Variants in ZNF430 observed in about 807,000 individuals in gnomAD.
The protein encoded by ZNF430 is zinc finger protein 430.
Under a neutral mutation model 56.7 loss-of-function variants are expected in ZNF430, and 35 were observed. That is an observed-to-expected ratio of 0.62 (90% CI 0.47 to 0.82). The LOEUF is 0.82. Ranked by LOEUF, ZNF430 falls within the 40% of genes least tolerant of loss-of-function variation. The pLI, the probability that ZNF430 is intolerant of heterozygous loss-of-function variation, is 0.00. For synonymous variants in ZNF430, 212 were observed against 224.3 expected (o/e 0.94, Z 0.49); for missense variants, 574 against 661.0 (o/e 0.87, Z 1.44).
At chr19:21,021,349 A>T (rs1180340502) in intron 1 of ZNF430, among the ~76,000 whole-genome samples, 1 of 151,886 alleles carries the variant, frequency 6.6e-6, no homozygotes, top group Non-Finnish European at 1.5e-5. Flanking sequence ...AAATACAAAA[A>T]TTTGCCGGGC....
intron 4 of ZNF430, among the ~76,000 whole-genome samples, chr19:21,044,848 C>T (rs890502182): frequency 6.6e-6 from 1 of 152,020 alleles, no homozygotes; most frequent in Non-Finnish European, 1.5e-5. Context: ...CTTCTTCTAG[C>T]TTTTTCAGTT....
intron 4 of ZNF430, among the ~76,000 whole-genome samples, chr19:21,055,256 T>C (rs1280752212): frequency 6.6e-6 from 1 of 152,098 alleles, no homozygotes; most frequent in Non-Finnish European, 1.5e-5. Flanking sequence ...TTGAAATTTG[T>C]ACATTTAAAA....
intron 2 of ZNF430, among the ~76,000 whole-genome samples, chr19:21,028,709 G>A (rs546418472): frequency 2.6e-5 from 4 of 152,026 alleles, no homozygotes; most frequent in East Asian, 1.9e-4. Context: ...TTTTTTAGAC[G>A]GAGTATTGCT....
At chr19:21,044,468 G>A (rs1968155426) in intron 4 of ZNF430, among the ~76,000 whole-genome samples, 1 of 152,102 alleles carries the variant, frequency 6.6e-6, no homozygotes, top group Non-Finnish European at 1.5e-5. Context: ...TCGATGTGCT[G>A]CTGGATTTGG....
intron 4 of ZNF430, 75 bp from the exon 5 acceptor site, chr19:21,056,556 A>G (rs756518284): frequency 1.8e-6 from 2 of 1,118,276 alleles, no homozygotes; most frequent in Non-Finnish European, 2.5e-6. Context: ...TTGTATAATT[A>G]TATGGGTTAG....
intron 2 of ZNF430, 88 bp downstream of exon 2, chr19:21,022,969 G>A (rs1967724828): frequency 1.1e-6 from 1 of 945,820 alleles, no homozygotes; most frequent in South Asian, 1.4e-5. Context: ...TCAGACTGTG[G>A]CATTGAGGGG....
intron 2 of ZNF430, among the ~76,000 whole-genome samples, chr19:21,023,518 C>T (rs1418954667): frequency 6.6e-6 from 1 of 152,098 alleles, no homozygotes; most frequent in East Asian, 1.9e-4. Flanking sequence ...CTTTTTACCC[C>T]CAGGGTGAGT....
chr19:21,036,975 A>G (rs1968010873), intron 4 of ZNF430, among the ~76,000 whole-genome samples: 1 of 151,844 alleles, frequency 6.6e-6, no homozygotes, highest in Non-Finnish European at 1.5e-5. Context: ...ACACCCTTCC[A>G]CTTTCTGTTT....
chr19:21,056,149 T>C (rs1379779884), intron 4 of ZNF430, among the ~76,000 whole-genome samples: 1 of 152,104 alleles, frequency 6.6e-6, no homozygotes, highest in Admixed American at 6.6e-5. Flanking sequence ...TGTATTTTTG[T>C]TGGATGTTTT....
At chr19:21,050,552 G>A (rs1400238231) in intron 4 of ZNF430, among the ~76,000 whole-genome samples, 1 of 152,044 alleles carries the variant, frequency 6.6e-6, no homozygotes, top group Non-Finnish European at 1.5e-5. Context: ...TCTTGTCTAG[G>A]TGAGCAGTCA....
intron 2 of ZNF430, among the ~76,000 whole-genome samples, chr19:21,027,113 C>G (rs1006393728): frequency 3.9e-5 from 6 of 151,992 alleles, no homozygotes; most frequent in African/African-American, 1.4e-4. Flanking sequence ...CAGGCGTGAG[C>G]CCCCATGCCC....
intron 3 of ZNF430, chr19:21,033,786 G>A (rs1599494699): frequency 1.6e-6 from 1 of 612,664 alleles, no homozygotes. Context: ...TTCCTGGGCT[G>A]ATCTGTATCC....
chr19:21,049,285 AATTAT>A (rs1260390431), intron 4 of ZNF430, among the ~76,000 whole-genome samples: 1 of 151,894 alleles, frequency 6.6e-6, no homozygotes, highest in African/African-American at 2.4e-5. Context: ...TGATACTACA[AATTAT>A]ATTATGTATC....
chr19:21,047,029 T>C (rs891454960), intron 4 of ZNF430, among the ~76,000 whole-genome samples: 3 of 152,194 alleles, frequency 2.0e-5, no homozygotes, highest in Admixed American at 2.0e-4. Flanking sequence ...ATTTCTCTCA[T>C]TCCCGTTTAT....
chr19:21,028,663 T>C (rs963590691), intron 2 of ZNF430, among the ~76,000 whole-genome samples: 12 of 152,020 alleles, frequency 7.9e-5, no homozygotes, highest in African/African-American at 2.9e-4. Flanking sequence ...AATGAGTCAT[T>C]CTGTGTGTGT....
At chr19:21,051,991 T>TA (rs201673648) in intron 4 of ZNF430, among the ~76,000 whole-genome samples, 2,010 of 150,270 alleles carry the variant, frequency 0.013, 39 homozygotes, top group African/African-American at 0.044. Flanking sequence ...AATGAGAAAT[T>TA]AAAAAAAAAA....
intron 4 of ZNF430, among the ~76,000 whole-genome samples, chr19:21,044,674 T>C (rs891436408): frequency 6.6e-6 from 1 of 152,214 alleles, no homozygotes. Context: ...CTCCTCTTTG[T>C]ACCTCTGGTA....
chr19:21,020,665 C>G lies in ZNF430; in HGVS notation c.-136C>G. 1 of 1,332,934 alleles carries G rather than the reference C, an allele frequency of 7.5e-7. No individual in the cohort carries two copies. The highest frequency in any genetic ancestry group is 1.1e-6 in the Non-Finnish European group (1 of 941,500). 82.6% of individuals were successfully genotyped at this position (1,332,934 alleles called of 1,614,324 possible). ...GGTTTGGCGGGGCCTTTGTCCCTCG[C>G]TGTGGCCTGAGCTCCAGGTCTCGTC... On this transcript the variant is annotated 5_prime_UTR_variant, in exon 1 of 5. Coordinates refer to ENST00000261560, the MANE Select transcript of ZNF430 (RefSeq NM_025189.4).
chr19:21,034,766 T>G (rs1967968387), intron 4 of ZNF430: 1 of 152,262 alleles, frequency 6.6e-6, no homozygotes. Flanking sequence ...CTCAAACTCC[T>G]GACCTCAAGT....
Sources: gnomAD v4.1 joint callset for allele counts (sites outside exome capture counted in the v4.1 genomes callset) on GRCh38, gnomAD v4.1.1 for gene constraint, MANE v1.5 for transcripts, NCBI Gene and HGNC (gene_info 2026-07-23, HGNC 2026-07-21) for gene names.